Variants in XKR6 observed in about 807,000 individuals in gnomAD.
XKR6 encodes XK related 6.
A neutral mutation model predicts 56.7 loss-of-function variants in XKR6; 22 were observed. The observed-to-expected ratio is 0.39, with a 90% CI of 0.28 to 0.55. The LOEUF is 0.55. Among genes scored for constraint, XKR6 ranks in the 20% least tolerant of loss-of-function variants. The pLI is 0.66. For synonymous variants in XKR6, 524 were observed against 387.8 expected (o/e 1.35, Z -4.13); for missense variants, 852 against 889.0 (o/e 0.96, Z 0.53).
chr8:11,058,141 C>T (rs1275226022), intron 1 of XKR6, among the ~76,000 whole-genome samples: 1 of 152,204 alleles, frequency 6.6e-6, no homozygotes, highest in Non-Finnish European at 1.5e-5. Context: ...CAGCGTGACC[C>T]ATGTGGGAGG....
intron 1 of XKR6, among the ~76,000 whole-genome samples, chr8:11,059,688 GGGCGGGACAGGCGCGT>G (rs1365102835): frequency 0.075 from 11,171 of 148,566 alleles, 1,414 homozygotes; most frequent in African/African-American, 0.25. Context: ...GGCGGGCGCG[GGGCGGGACAGGCGCGT>G]CTCTGTTCCC....
intron 1 of XKR6, among the ~76,000 whole-genome samples, chr8:11,155,054 A>C (rs1793496821): frequency 6.6e-6 from 1 of 152,202 alleles, no homozygotes; most frequent in Non-Finnish European, 1.5e-5. Flanking sequence ...AAACAGCAAT[A>C]TTTTGGCCAG....
Position 11,200,802 on chromosome 8 carries a change from T to C in XKR6, c.538A>G (p.Ser180Gly), listed in dbSNP as rs1478009114. ...LVPSLLVQSL[S>G]FRWFVQDYTG... Reference sequence around the variant, plus strand: ...TAGTCCTGCACGAACCAGCGGAAGCTCAGGCTCTGCACCAGCAGCGACGGC... The same window carrying C: ...TAGTCCTGCACGAACCAGCGGAAGCCCAGGCTCTGCACCAGCAGCGACGGC... The change falls in exon 1 of 3, where the codon AGC (serine) becomes GGC (glycine). Residue 180 changes from serine (S) to glycine (G), a missense_variant. Transcript: ENST00000416569. The surrounding 1 kb of genome is among the most constrained non-coding windows in gnomAD (Gnocchi z 6.4). 1 of 1,610,224 alleles carries C rather than the reference T, an allele frequency of 6.2e-7. No homozygotes were observed. Among genetic ancestry groups the C allele is most frequent in the Non-Finnish European group, 8.5e-7 (1 of 1,178,940 alleles).
chr8:11,112,918 C>T (rs974142438), intron 1 of XKR6, among the ~76,000 whole-genome samples: 1 of 152,092 alleles, frequency 6.6e-6, no homozygotes, highest in African/African-American at 2.4e-5. Context: ...TGAGATTAAG[C>T]AGTAAGAAAA....
intron 1 of XKR6, among the ~76,000 whole-genome samples, chr8:11,143,711 T>C (rs1025357472): frequency 5.9e-5 from 9 of 152,316 alleles, no homozygotes; most frequent in African/African-American, 2.2e-4. Flanking sequence ...ATGGGACACA[T>C]ACGGGAGTTT....
At chr8:10,980,708 T>A (rs1233653456) in intron 1 of XKR6, among the ~76,000 whole-genome samples, 1 of 152,216 alleles carries the variant, frequency 6.6e-6, no homozygotes, top group African/African-American at 2.4e-5. Flanking sequence ...ACCCAAGTTG[T>A]ATGGATTATG....
chr8:10,932,060 T>C (rs754178719), intron 1 of XKR6, among the ~76,000 whole-genome samples: 5 of 152,154 alleles, frequency 3.3e-5, no homozygotes, highest in Non-Finnish European at 7.4e-5. Context: ...CCAAAGAGGA[T>C]ACACAATAGC....
chr8:10,958,755 C>T (rs1801971618), intron 1 of XKR6, among the ~76,000 whole-genome samples: 1 of 152,202 alleles, frequency 6.6e-6, no homozygotes, highest in Non-Finnish European at 1.5e-5. Context: ...CCTTCTCTGT[C>T]CTACAGAGAA....
At position 11,173,388 on chromosome 8, in the gene XKR6, AATATATATACAT is replaced by A. The variant is rs1307670069; in HGVS notation, c.764+27176_764+27187del. 1.0e-4 allele frequency among the ~76,000 whole-genome samples: 15 copies of A among 144,924 alleles called. No homozygotes were observed. The South Asian group carries it at 2.9e-3, about 28-fold the overall frequency. ...ATATACACACACACACACACACACAAATATATATACATATATATATACATATACATATATATA... is the reference window on the plus strand; with the variant it reads ...ATATACACACACACACACACACACAAATATATATACATATACATATATATA... On this transcript the variant is annotated intron_variant, in intron 1 of 2. Transcript: ENST00000416569.
intron 1 of XKR6, among the ~76,000 whole-genome samples, chr8:11,006,767 G>A (rs1159445804): frequency 1.3e-5 from 2 of 152,220 alleles, no homozygotes; most frequent in African/African-American, 4.8e-5. Flanking sequence ...GACCAAGCCA[G>A]ATGGCTCTCT....
intron 1 of XKR6, chr8:11,174,954 G>C (rs1052817244): frequency 1.3e-5 from 2 of 152,176 alleles, no homozygotes; most frequent in African/African-American, 4.8e-5. Flanking sequence ...TTCTAGGACA[G>C]GTACATGAAA....
intron 1 of XKR6, among the ~76,000 whole-genome samples, chr8:11,094,949 T>G (rs1053963185): frequency 6.6e-6 from 1 of 152,132 alleles, no homozygotes; most frequent in African/African-American, 2.4e-5. Flanking sequence ...AATACCTGGG[T>G]GATGGGATGC....
intron 1 of XKR6, among the ~76,000 whole-genome samples, chr8:11,066,383 T>C (rs1431581141): frequency 1.3e-5 from 2 of 152,244 alleles, no homozygotes; most frequent in South Asian, 2.1e-4. Flanking sequence ...TGAAACATTG[T>C]CTGTTCTTGA....
intron 1 of XKR6, among the ~76,000 whole-genome samples, chr8:11,023,386 G>C (rs1018434135): frequency 6.6e-6 from 1 of 152,200 alleles, no homozygotes; most frequent in Non-Finnish European, 1.5e-5. Flanking sequence ...TCTAACCTCA[G>C]CCTTCTGAGT....
At chr8:11,102,233 C>G (rs1798512210) in intron 1 of XKR6, among the ~76,000 whole-genome samples, 1 of 152,168 alleles carries the variant, frequency 6.6e-6, no homozygotes, top group Admixed American at 6.5e-5. Flanking sequence ...AGCCCAGCAT[C>G]CCGAGGACTT....
intron 1 of XKR6, among the ~76,000 whole-genome samples, chr8:11,021,633 C>A (rs982125464): frequency 6.6e-6 from 1 of 152,152 alleles, no homozygotes; most frequent in African/African-American, 2.4e-5. Context: ...GGATCCCAAA[C>A]GCTCCAGAGT....
At chr8:11,031,304 C>A (rs543778425) in intron 1 of XKR6, among the ~76,000 whole-genome samples, 1 of 152,236 alleles carries the variant, frequency 6.6e-6, no homozygotes, top group Non-Finnish European at 1.5e-5. Flanking sequence ...AGTGACCCAA[C>A]GGCTCAGCTG....
chr8:10,943,536 C>G (rs561492529), intron 1 of XKR6, among the ~76,000 whole-genome samples: 1 of 152,138 alleles, frequency 6.6e-6, no homozygotes, highest in Non-Finnish European at 1.5e-5. Context: ...AGATCCATCC[C>G]TGTGTAGGGC....
intron 1 of XKR6, among the ~76,000 whole-genome samples, chr8:10,967,549 G>C (rs1339622416): frequency 1.3e-5 from 2 of 152,172 alleles, no homozygotes; most frequent in African/African-American, 4.8e-5. Flanking sequence ...TGGGGTGCCT[G>C]GTCTGGGGCA....
Sources: gnomAD v4.1 joint callset for allele counts (sites outside exome capture counted in the v4.1 genomes callset) on GRCh38, gnomAD v4.1.1 for gene constraint, Gnocchi (gnomAD v3.1) non-coding constraint, MANE v1.5 for transcripts, NCBI Gene and HGNC (gene_info 2026-07-23, HGNC 2026-07-21) for gene names.